The following PCDH15 variants were observed in gnomAD, a reference collection of about 807,000 sequenced individuals.
PCDH15 encodes protocadherin-15.
In PCDH15, 129 loss-of-function variants were observed where a neutral mutation model predicts 178.5. That is an observed-to-expected ratio of 0.72 (90% CI 0.63 to 0.84). The LOEUF is 0.84. Among genes scored for constraint, PCDH15 ranks in the 40% least tolerant of loss-of-function variants. The pLI is 0.00. For synonymous variants in PCDH15, 800 were observed against 732.0 expected (o/e 1.09, Z -1.50); for missense variants, 2,230 against 2,099.9 (o/e 1.06, Z -1.21).
rs199966947 is a variant in PCDH15 at position 55,024,322 on chromosome 10, T to TAC, written c.-79-126823_-79-126822insGT. On this transcript the variant is annotated intron_variant, in intron 2 of 5. Coordinates refer to the PCDH15 transcript ENST00000458638. ...ATATATATATGGGATGGAATATATA[T>TAC]ATATATTCCCATATATAGGAAGAAA... Among the ~76,000 whole-genome samples, 896 of 145,000 alleles carry TAC rather than the reference T, an allele frequency of 6.2e-3. 13 individuals are homozygous for TAC. The highest frequency in any genetic ancestry group is 0.022 in the African/African-American group (870 of 38,802).
intron 1 of PCDH15, among the ~76,000 whole-genome samples, chr10:55,180,126 T>C (rs1178966637): frequency 6.6e-6 from 1 of 151,896 alleles, no homozygotes; most frequent in Non-Finnish European, 1.5e-5. Flanking sequence ...AGTCACAAAA[T>C]GGCTTTAAAG....
Position 54,329,581 on chromosome 10 carries a change from A to G in PCDH15, c.705+15T>C. On this transcript the variant is annotated intron_variant, in intron 7 of 37. Coordinates refer to ENST00000644397, the MANE Select transcript of PCDH15 (RefSeq NM_001384140.1). ...TAAATTCACAGAAGAAATTTAAAAG[A>G]AATTGAATACTCACATTAGCTTGGA... 6.5e-7 allele frequency: 1 copy of G among 1,537,782 alleles called. No homozygotes were observed. Among genetic ancestry groups the G allele is most frequent in the Admixed American group, 1.7e-5 (1 of 59,710 alleles).
At chr10:54,285,136 T>C (rs1334172680) in intron 8 of PCDH15, among the ~76,000 whole-genome samples, 1 of 152,156 alleles carries the variant, frequency 6.6e-6, no homozygotes, top group African/African-American at 2.4e-5. Flanking sequence ...TTATACTTGT[T>C]TGGAATTCAT....
At chr10:55,571,147 T>C (rs1242579095) in intron 2 of PCDH15, among the ~76,000 whole-genome samples, 1 of 151,874 alleles carries the variant, frequency 6.6e-6, no homozygotes, top group African/African-American at 2.4e-5. Flanking sequence ...CATGTGAGAG[T>C]TGGTTTTTAA....
chr10:54,091,666 G>C (rs2094602935), intron 15 of PCDH15, among the ~76,000 whole-genome samples: 1 of 152,140 alleles, frequency 6.6e-6, no homozygotes, highest in Admixed American at 6.5e-5. Flanking sequence ...GAAAATCTTT[G>C]CAAGATTATT....
chr10:55,295,793 C>G (rs1263579702), intron 1 of PCDH15, among the ~76,000 whole-genome samples: 3 of 152,042 alleles, frequency 2.0e-5, no homozygotes, highest in East Asian at 3.9e-4. Flanking sequence ...CTCTGGACAC[C>G]AATAGAGTGT....
chr10:54,489,352 T>C (rs1295126250), intron 3 of PCDH15, among the ~76,000 whole-genome samples: 2 of 152,122 alleles, frequency 1.3e-5, no homozygotes, highest in Admixed American at 6.6e-5. Flanking sequence ...TTATACCTAA[T>C]ACTATCTTCG....
intron 3 of PCDH15, among the ~76,000 whole-genome samples, chr10:54,812,741 G>A (rs779023551): frequency 6.6e-6 from 1 of 152,096 alleles, no homozygotes; most frequent in Non-Finnish European, 1.5e-5. Flanking sequence ...ACAGGTGTGA[G>A]CCACCACACC....
intron 2 of PCDH15, among the ~76,000 whole-genome samples, chr10:55,139,990 G>A (rs775561953): frequency 6.6e-6 from 1 of 151,768 alleles, no homozygotes; most frequent in Non-Finnish European, 1.5e-5. Context: ...TATATGTTTT[G>A]CTAGAATTAC....
intron 2 of PCDH15, among the ~76,000 whole-genome samples, chr10:55,521,626 T>C (rs911069484): frequency 1.3e-5 from 2 of 151,952 alleles, no homozygotes; most frequent in Non-Finnish European, 2.9e-5. Flanking sequence ...TGTTTTCATA[T>C]CTTGGCTACA....
intron 2 of PCDH15, among the ~76,000 whole-genome samples, chr10:55,062,143 T>C (rs1366105093): frequency 5.3e-5 from 8 of 152,220 alleles, no homozygotes; most frequent in Non-Finnish European, 7.3e-5. Context: ...CCCAAGGTGA[T>C]GGTATTAAAA....
intron 29 of PCDH15, among the ~76,000 whole-genome samples, chr10:53,836,123 G>A (rs2077292465): frequency 6.6e-6 from 1 of 152,144 alleles, no homozygotes; most frequent in African/African-American, 2.4e-5. Flanking sequence ...TGGGGGAGGA[G>A]CAGGAAGTCC....
At chr10:54,423,256 G>T (rs1383748238) in intron 3 of PCDH15, among the ~76,000 whole-genome samples, 1 of 152,100 alleles carries the variant, frequency 6.6e-6, no homozygotes, top group Admixed American at 6.6e-5. Flanking sequence ...AATTTCCCTG[G>T]TTACTAAATT....
chr10:55,472,835 T>C (rs1175781202), intron 2 of PCDH15, among the ~76,000 whole-genome samples: 2 of 152,240 alleles, frequency 1.3e-5, no homozygotes, highest in Non-Finnish European at 2.9e-5. Flanking sequence ...CCCAAAGTGC[T>C]GGGATTACAG....
rs530053745 is a variant in PCDH15, at chr10:55,052,579, G to A, written c.-80+113997C>T. Among the ~76,000 whole-genome samples, 251 of 147,650 alleles carry A rather than the reference G, an allele frequency of 1.7e-3. 2 individuals are homozygous for A. The highest frequency in any genetic ancestry group is 6.0e-3 in the African/African-American group (239 of 39,730). The stretch of plus-strand genomic sequence containing the variant: ...AAAAAAAAAAAAGCTAGGCATGGTG[G>A]TGTGTGCCTGTAGTCCCAGCTACTC... On this transcript the variant is annotated intron_variant, in intron 2 of 5. Transcript: ENST00000458638.
At chr10:54,662,411 CAAAAT>C (rs1243684554) in intron 2 of PCDH15, among the ~76,000 whole-genome samples, 4 of 151,856 alleles carry the variant, frequency 2.6e-5, no homozygotes, top group Non-Finnish European at 5.9e-5. Context: ...AAATTCAAAA[CAAAAT>C]AAACCACAAC....
chr10:54,353,254 G>A (rs1330673559), intron 5 of PCDH15, among the ~76,000 whole-genome samples: 1 of 151,478 alleles, frequency 6.6e-6, no homozygotes, highest in African/African-American at 2.4e-5. Flanking sequence ...AAACTTTCCA[G>A]AACTGATAAA....
At chr10:54,138,327 T>C (rs985082011) in intron 14 of PCDH15, among the ~76,000 whole-genome samples, 3 of 152,036 alleles carry the variant, frequency 2.0e-5, no homozygotes, top group African/African-American at 7.2e-5. Flanking sequence ...GAGAAATTCC[T>C]AAGGAATTTT....
chr10:54,906,051 T>C (rs1388711383), intron 2 of PCDH15, among the ~76,000 whole-genome samples: 1 of 152,098 alleles, frequency 6.6e-6, no homozygotes, highest in Admixed American at 6.5e-5. Flanking sequence ...GCAAAATCTT[T>C]CTCTCACCCT....
Sources: gnomAD v4.1 joint callset for allele counts (sites outside exome capture counted in the v4.1 genomes callset) on GRCh38, gnomAD v4.1.1 for gene constraint, MANE v1.5 for transcripts, NCBI Gene and HGNC (gene_info 2026-07-23, HGNC 2026-07-21) for gene names.